The following SEMA3A variants were observed in gnomAD, a reference collection of about 807,000 sequenced individuals.
SEMA3A encodes the protein semaphorin 3A, also known as semaphorin-3A.
SEMA3A carries 29 observed loss-of-function variants against 97.9 expected under a neutral mutation model. The ratio of observed to expected loss-of-function variants is 0.30; its 90% confidence interval spans 0.22 to 0.40. The LOEUF is 0.40. Ranked by LOEUF, SEMA3A falls within the 10% of genes least tolerant of loss-of-function variation. SEMA3A has a pLI of 1.00. For missense variants in SEMA3A, 763 were observed against 951.3 expected, an observed-to-expected ratio of 0.80 and a Z score of 2.60; for synonymous variants, 321 against 323.7, an observed-to-expected ratio of 0.99 and a Z score of 0.09.
rs759802864 is a variant in SEMA3A at position 83,982,626 on chromosome 7, CAA to C, written c.1495-1150_1495-1149del. Among the ~76,000 whole-genome samples the C allele has an allele frequency of 2.3e-4, 35 of 152,038 alleles. 2 individuals are homozygous for C. The South Asian group carries it at 5.0e-3, about 22-fold the overall frequency. On this transcript the variant is annotated intron_variant, in intron 13 of 16. Coordinates refer to ENST00000265362, the MANE Select transcript of SEMA3A (RefSeq NM_006080.3). ...ATGTTTTCATACATTGAAAAGACAT[CAA>C]AAGTGTATTTTAGTTTCTCTAGTAT...
chr7:84,270,763 T>C lies in SEMA3A; in HGVS notation c.-83+36444A>G, dbSNP rs550167838. On this transcript the variant is annotated intron_variant, in intron 3 of 3. Coordinates refer to the SEMA3A transcript ENST00000424555. The stretch of plus-strand genomic sequence containing the variant: ...ATACATTAGGAATAAGTGTTATTGG[T>C]TTTAAGAATAAAAGCACTTGCAAGT... Among the ~76,000 whole-genome samples the C allele has an allele frequency of 6.2e-4, 94 of 151,326 alleles. 1 individual carries two copies. The highest frequency in any genetic ancestry group is 2.2e-3 in the African/African-American group (92 of 41,428).
chr7:84,491,219 G>A lies in SEMA3A; in HGVS notation c.-246+1241C>T, dbSNP rs187709540. 3.6e-3 allele frequency among the ~76,000 whole-genome samples: 543 copies of A among 152,064 alleles called. 1 individual carries two copies. The highest frequency in any genetic ancestry group is 0.011 in the African/African-American group (446 of 41,480). ...AATAAAAACAAAACATTGGCCGATG[G>A]GGAATTATTTAAACAGTGCAATACT... On this transcript the variant is annotated intron_variant, in intron 1 of 3. Coordinates refer to the SEMA3A transcript ENST00000424555.
Position 84,035,568 on chromosome 7 carries a change from A to G in SEMA3A, c.667+10756T>C, listed in dbSNP as rs183243399. 5.1e-3 allele frequency among the ~76,000 whole-genome samples: 782 copies of G among 152,186 alleles called. 1 individual carries two copies. The highest frequency in any genetic ancestry group is 9.3e-3 in the Non-Finnish European group (635 of 67,940). The stretch of plus-strand genomic sequence containing the variant: ...AAAAATTAAAATCTTAAAGCAAAAT[A>G]AAACCCCTTAACTCTGAGAAAAATG... On this transcript the variant is annotated intron_variant, in intron 6 of 16. Transcript: ENST00000265362.
Position 84,248,976 on chromosome 7 carries a change from T to C in SEMA3A, c.-82-54308A>G, listed in dbSNP as rs1270117151. 2.6e-5 allele frequency among the ~76,000 whole-genome samples: 4 copies of C among 152,204 alleles called. No homozygotes were observed. In the East Asian group the frequency reaches 7.7e-4, roughly 29 times the overall value. ...TTTGACTAGATGTCTATGAACAAGT[T>C]CTAACCTCATGAGGAATGAGAGTCA... On this transcript the variant is annotated intron_variant, in intron 3 of 3. Transcript: ENST00000424555.
intron 4 of SEMA3A, among the ~76,000 whole-genome samples, chr7:84,108,963 AGCATAATTCCTGAC>A (rs1795199528): frequency 6.6e-6 from 1 of 151,870 alleles, no homozygotes. Flanking sequence ...AATCATGTAG[AGCATAATTCCTGAC>A]GCATGTAAAA....
At chr7:84,041,205 T>C (rs573043466) in intron 6 of SEMA3A, among the ~76,000 whole-genome samples, 1 of 152,246 alleles carries the variant, frequency 6.6e-6, no homozygotes, top group Non-Finnish European at 1.5e-5. Context: ...AAAAACTTGC[T>C]AAAAGTCTTT....
At position 84,272,828 on chromosome 7, in the gene SEMA3A, C is replaced by G. The variant is rs79970498; in HGVS notation, c.-83+34379G>C. ...GGACTTTTCTATTTTTCCAGCTCAG[C>G]TTTTTTCCACCTTAAGAAATAAATA... is the stretch of plus-strand genomic sequence containing the variant. On this transcript the variant is annotated intron_variant, in intron 3 of 3. Transcript: ENST00000424555. 7.1e-3 allele frequency among the ~76,000 whole-genome samples: 1,073 copies of G among 152,118 alleles called. 13 individuals are homozygous for G. Among genetic ancestry groups the G allele is most frequent in the African/African-American group, 0.025 (1,030 of 41,516 alleles).
intron 1 of SEMA3A, among the ~76,000 whole-genome samples, chr7:84,162,210 T>TA (rs1431144175): frequency 6.6e-6 from 1 of 152,190 alleles, no homozygotes; most frequent in East Asian, 1.9e-4. Context: ...TGCCATTTAT[T>TA]AGGCCTATTT....
Position 83,958,722 on chromosome 7 carries a change from C to T in SEMA3A, c.*2649G>A, listed in dbSNP as rs1442829589. The T allele has an allele frequency of 2.0e-5, 3 of 152,502 alleles. No homozygotes were observed. 9.4% of individuals were successfully genotyped at this position (152,502 alleles called of 1,614,324 possible). ...TAGCAAAAATATTAAACACATACCA[C>T]TGCAAATTACTAAATAATACATAAA... is the stretch of plus-strand genomic sequence containing the variant. On this transcript the variant is annotated 3_prime_UTR_variant, in exon 17 of 17. Transcript: ENST00000265362.
intron 1 of SEMA3A, among the ~76,000 whole-genome samples, chr7:84,376,969 C>T (rs188188824): frequency 1.1e-4 from 16 of 152,126 alleles, no homozygotes; most frequent in East Asian, 1.9e-4. Context: ...TTATTCTTTA[C>T]GCTGTTGCTT....
chr7:84,082,503 T>C (rs932405927), intron 4 of SEMA3A, among the ~76,000 whole-genome samples: 1 of 152,164 alleles, frequency 6.6e-6, no homozygotes, highest in Non-Finnish European at 1.5e-5. Context: ...AGAAATTCTT[T>C]ATTACTAAAT....
intron 15 of SEMA3A, among the ~76,000 whole-genome samples, chr7:83,964,283 CATTAA>C (rs955407947): frequency 2.0e-5 from 3 of 152,210 alleles, no homozygotes; most frequent in African/African-American, 4.8e-5. Context: ...ATCTGAAACT[CATTAA>C]ATTAATTTAG....
Position 83,984,670 on chromosome 7 carries a change from G to C in SEMA3A, c.1494+766C>G, listed in dbSNP as rs896437151. ...ATATACTGGACAGAAGAAAGTCTAG[G>C]TAACATTTATGGAGAAAATATTAGA... On this transcript the variant is annotated intron_variant, in intron 13 of 16. Transcript: ENST00000265362. Among the ~76,000 whole-genome samples, 5 of 137,074 alleles carry C rather than the reference G, an allele frequency of 3.6e-5. No homozygotes were observed. The Admixed American group carries it at 4.0e-4, about 11-fold the overall frequency. The allele number at this position is 137,074 out of a possible 152,430, so 89.9% of individuals were successfully genotyped here.
intron 15 of SEMA3A, among the ~76,000 whole-genome samples, chr7:83,974,464 GT>G (rs1407983521): frequency 1.3e-5 from 2 of 152,154 alleles, no homozygotes; most frequent in Non-Finnish European, 2.9e-5. Context: ...TCATCCTGAA[GT>G]GTGTAATTTG....
At chr7:84,417,802 A>G (rs1254421059) in intron 1 of SEMA3A, among the ~76,000 whole-genome samples, 1 of 152,094 alleles carries the variant, frequency 6.6e-6, no homozygotes, top group South Asian at 2.1e-4. Context: ...ATGAGTGGAT[A>G]GAGGACTCTT....
At chr7:84,147,685 T>C (rs941103545) in intron 1 of SEMA3A, among the ~76,000 whole-genome samples, 2 of 152,170 alleles carry the variant, frequency 1.3e-5, no homozygotes, top group African/African-American at 4.8e-5. Context: ...AATTACTGAA[T>C]AGTTGGATAA....
chr7:84,245,564 A>G (rs1273717218), intron 3 of SEMA3A, among the ~76,000 whole-genome samples: 1 of 151,286 alleles, frequency 6.6e-6, no homozygotes, highest in African/African-American at 2.4e-5. Flanking sequence ...GGAGTTCATT[A>G]TTACCCACCT....
intron 3 of SEMA3A, among the ~76,000 whole-genome samples, chr7:84,219,678 AAGAATC>A (rs1335930848): frequency 2.6e-5 from 4 of 152,214 alleles, no homozygotes; most frequent in African/African-American, 9.6e-5. Flanking sequence ...AAAAATTGCT[AAGAATC>A]ATCTCAGCCT....
intron 6 of SEMA3A, among the ~76,000 whole-genome samples, chr7:84,017,909 C>G (rs1791169089): frequency 6.6e-6 from 1 of 152,080 alleles, no homozygotes; most frequent in Non-Finnish European, 1.5e-5. Flanking sequence ...CTTTATAAAT[C>G]CCCAGATTTT....
Sources: gnomAD v4.1 joint callset for allele counts (sites outside exome capture counted in the v4.1 genomes callset) on GRCh38, gnomAD v4.1.1 for gene constraint, MANE v1.5 for transcripts, NCBI Gene and HGNC (gene_info 2026-07-23, HGNC 2026-07-21) for gene names.